The following PCDHGB3 variants were observed in gnomAD, a reference collection of about 807,000 sequenced individuals.
PCDHGB3 encodes protocadherin gamma subfamily B, 3.
A neutral mutation model predicts 59.2 loss-of-function variants in PCDHGB3; 40 were observed. The observed-to-expected ratio is 0.68, with a 90% CI of 0.52 to 0.88. The LOEUF (loss-of-function observed/expected upper bound fraction) is 0.88. Among genes scored for constraint, PCDHGB3 ranks in the 40% least tolerant of loss-of-function variants. PCDHGB3 has a pLI of 0.00. For missense variants in PCDHGB3, 1,309 were observed against 1,187.9 expected (o/e 1.10, Z -1.50); for synonymous variants, 581 against 503.6 (o/e 1.15, Z -2.06).
intron 1 of PCDHGB3, chr5:141,384,835 G>T: frequency 1.2e-6 from 2 of 1,613,468 alleles, no homozygotes; most frequent in Middle Eastern, 1.7e-4. Flanking sequence ...CGTGGTGGCC[G>T]TCCAGGACCA....
intron 1 of PCDHGB3, among the ~76,000 whole-genome samples, chr5:141,401,496 C>T (rs909382274): frequency 6.6e-6 from 1 of 152,190 alleles, no homozygotes; most frequent in African/African-American, 2.4e-5. Context: ...GATGCAAAAT[C>T]CTTTTCCACC....
intron 1 of PCDHGB3, among the ~76,000 whole-genome samples, chr5:141,436,221 G>C (rs1468526543): frequency 6.6e-6 from 1 of 152,004 alleles, no homozygotes; most frequent in African/African-American, 2.4e-5. Context: ...CAAATGACTT[G>C]GGAAACTAAG....
At chr5:141,423,375 G>C in intron 1 of PCDHGB3, 1 of 1,614,192 alleles carries the variant, frequency 6.2e-7, no homozygotes, top group Non-Finnish European at 8.5e-7. Context: ...TGGCACTCAG[G>C]CTGTGGCGCT....
chr5:141,476,078 C>G lies in PCDHGB3; in HGVS notation c.2416-18729C>G. On this transcript the variant is annotated intron_variant, in intron 1 of 3. Transcript: ENST00000576222. The surrounding 1 kb of genome is among the most constrained non-coding windows in gnomAD (Gnocchi z 7.6). ...AAGTTTCTCAGCGAAATCTCAGGGA[C>G]GATCTGGACCCCGCTGAGAGGAACT... is the stretch of plus-strand genomic sequence containing the variant. 1 of 1,528,034 alleles carries G rather than the reference C, an allele frequency of 6.5e-7. No homozygotes were observed. 94.7% of individuals were successfully genotyped at this position (1,528,034 alleles called of 1,614,324 possible).
At position 141,389,178 on chromosome 5, in the gene PCDHGB3, T is replaced by G. The variant is rs1280956707; in HGVS notation, c.2415+16369T>G. 2 of 1,613,974 alleles carry G rather than the reference T, an allele frequency of 1.2e-6. No individual in the cohort carries two copies. The highest frequency in any genetic ancestry group is 1.7e-6 in the Non-Finnish European group (2 of 1,179,890). ...AGATCGGGGCAAGCCTCCCCTCTCC[T>G]CCAGTTCCAGCATCACCCTGCACAT... On this transcript the variant is annotated intron_variant, in intron 1 of 3. Coordinates refer to ENST00000576222, the MANE Select transcript of PCDHGB3 (RefSeq NM_018924.5).
chr5:141,429,232 G>T (rs938585192), intron 1 of PCDHGB3: 2 of 151,668 alleles, frequency 1.3e-5, no homozygotes, highest in Non-Finnish European at 2.9e-5. Flanking sequence ...TTATGATACT[G>T]CTGTCATTGA....
At chr5:141,450,772 C>T (rs544188262) in intron 1 of PCDHGB3, among the ~76,000 whole-genome samples, 1 of 151,944 alleles carries the variant, frequency 6.6e-6, no homozygotes, top group African/African-American at 2.4e-5. Flanking sequence ...CAGGCATGAG[C>T]CACCGTGCCC....
intron 1 of PCDHGB3, chr5:141,382,913 C>G: frequency 5.2e-6 from 8 of 1,553,234 alleles, no homozygotes; most frequent in Non-Finnish European, 7.0e-6. Context: ...GCGGCTCAGC[C>G]GAGGGGCGGG....
chr5:141,506,253 G>A (rs1332023284), intron 3 of PCDHGB3, among the ~76,000 whole-genome samples: 2 of 151,862 alleles, frequency 1.3e-5, no homozygotes, highest in Non-Finnish European at 2.9e-5. Flanking sequence ...GTTCGAAACC[G>A]GCCTGGCCAA....
intron 1 of PCDHGB3, among the ~76,000 whole-genome samples, chr5:141,443,695 A>G (rs1324985529): frequency 1.3e-5 from 2 of 152,272 alleles, no homozygotes; most frequent in Non-Finnish European, 2.9e-5. Context: ...TTCAAAAATT[A>G]TAGAATAACA....
chr5:141,448,145 A>G (rs2098568457), intron 1 of PCDHGB3, among the ~76,000 whole-genome samples: 1 of 151,716 alleles, frequency 6.6e-6, no homozygotes, highest in South Asian at 2.1e-4. Flanking sequence ...TATACCTCAG[A>G]CTCACCCCTG....
intron 1 of PCDHGB3, chr5:141,427,650 G>A (rs1352503291): frequency 1.4e-6 from 1 of 718,312 alleles, no homozygotes; most frequent in Admixed American, 2.0e-5. Flanking sequence ...AGTCTCCTAC[G>A]TGGTCCACGT....
At chr5:141,375,525 T>C (rs1027901003) in intron 1 of PCDHGB3, 13 of 1,613,866 alleles carry the variant, frequency 8.1e-6, no homozygotes, top group African/African-American at 1.3e-5. Context: ...GACCCTGACG[T>C]GGACCAGAAC....
chr5:141,372,672 T>A lies in PCDHGB3; in HGVS notation c.2278T>A (p.Ser760Thr). Residue 760 changes from serine (S) to threonine (T), a missense_variant, in exon 1 of 4, where the codon TCC becomes ACC. Physicochemically the swap from Ser to Thr is moderately conservative, Grantham distance 58 (BLOSUM62 1). Transcript: ENST00000576222. ...CTACAATCCGTGTGCTGCCTCACAT[T>A]CCTCAAACACCGAGTTTAAATTTCT... is the stretch of plus-strand genomic sequence containing the variant. ...YSYNPCAASH[S>T]SNTEFKFLNI... 6.2e-7 allele frequency: 1 copy of A among 1,613,978 alleles called. No homozygotes were observed.
rs371350905 is a variant in PCDHGB3 at position 141,476,860 on chromosome 5, G to A, written c.2416-17947G>A. The A allele has an allele frequency of 6.7e-5, 108 of 1,613,762 alleles. No individual in the cohort carries two copies. The highest frequency in any genetic ancestry group is 1.6e-4 in the East Asian group (7 of 44,884). ...ATGCGCCTGTCTTCAACCAGTCCTT[G>A]TACCGGGCGCGCGTCCTGGAGGATG... is the stretch of plus-strand genomic sequence containing the variant. On this transcript the variant is annotated intron_variant, in intron 1 of 3. Transcript: ENST00000576222. This position sits in a 1 kb window ranked among gnomAD's most constrained non-coding sequence, Gnocchi z 7.6.
chr5:141,477,775 G>T lies in PCDHGB3; in HGVS notation c.2416-17032G>T. 2 of 1,614,046 alleles carry T rather than the reference G, an allele frequency of 1.2e-6. No individual in the cohort carries two copies. The highest frequency in any genetic ancestry group is 2.7e-5 in the African/African-American group (2 of 75,052). On this transcript the variant is annotated intron_variant, in intron 1 of 3. Transcript: ENST00000576222. The surrounding 1 kb of genome is among the most constrained non-coding windows in gnomAD (Gnocchi z 4.9). ...CGGTCCTAGCCACCAACATCAGCGT[G>T]AACATATTTGTCACTGATCGCAATG...
Position 141,491,905 on chromosome 5 carries a change from G to A in PCDHGB3, c.2416-2902G>A. 7.1e-7 allele frequency: 1 copy of A among 1,418,328 alleles called. No individual in the cohort carries two copies. Among genetic ancestry groups the A allele is most frequent in the Non-Finnish European group, 9.3e-7 (1 of 1,069,952 alleles). 87.9% of individuals were successfully genotyped at this position (1,418,328 alleles called of 1,614,324 possible). ...GATGGGGCTCCGAGCACCGGGGGTG[G>A]TGGCGACTGTGGGCGAGGGGAGGTG... On this transcript the variant is annotated intron_variant, in intron 1 of 3. Transcript: ENST00000576222. This position sits in a 1 kb window ranked among gnomAD's most constrained non-coding sequence, Gnocchi z 6.9.
In PCDHGB3 at chr5:141,401,291, G is replaced by A. The variant is rs565015907; in HGVS notation, c.2415+28482G>A. On this transcript the variant is annotated intron_variant, in intron 1 of 3. Transcript: ENST00000576222. ...TGGCAGGTGGAGGTTGCGGTGAGCC[G>A]AGATCACTCCATTGCATTCCAGCCT... is the stretch of plus-strand genomic sequence containing the variant. Among the ~76,000 whole-genome samples the A allele has an allele frequency of 8.5e-5, 13 of 152,194 alleles. No individual in the cohort carries two copies. The South Asian group carries it at 2.5e-3, about 29-fold the overall frequency.
chr5:141,409,729 G>GCAGAGC (rs1178571616), intron 1 of PCDHGB3: 2 of 1,612,966 alleles, frequency 1.2e-6, no homozygotes, highest in African/African-American at 2.7e-5. Context: ...CAGTGAGCGC[G>GCAGAGC]CAGAGCGGGG....
Sources: allele counts gnomAD v4.1 joint callset (sites outside exome capture counted in the v4.1 genomes callset), GRCh38; gene constraint gnomAD v4.1.1; non-coding constraint Gnocchi (gnomAD v3.1); transcripts MANE v1.5; gene names NCBI Gene and HGNC (gene_info 2026-07-23, HGNC 2026-07-21).